Variants in FBXL2 observed in about 807,000 individuals in gnomAD.
FBXL2 encodes F-box/LRR-repeat protein 2.
FBXL2 carries 38 observed loss-of-function variants against 69.2 expected under a neutral mutation model. The ratio of observed to expected loss-of-function variants is 0.55; its 90% CI spans 0.42 to 0.72. The LOEUF (loss-of-function observed/expected upper bound fraction) is 0.72, where lower values mean the gene tolerates loss of function less well. FBXL2 is among the 30% of genes least tolerant of loss of function. FBXL2 has a pLI of 0.00. For missense variants in FBXL2, 354 were observed against 520.3 expected, an observed-to-expected ratio of 0.68 and a Z score of 3.11; for synonymous variants, 192 against 201.3, an observed-to-expected ratio of 0.95 and a Z score of 0.39.
Position 33,375,429 on chromosome 3 carries a change from T to C in FBXL2, c.788+11T>C. 3 of 1,610,046 alleles carry C rather than the reference T, an allele frequency of 1.9e-6. No individual in the cohort carries two copies. Among genetic ancestry groups the C allele is most frequent in the Non-Finnish European group, 2.5e-6 (3 of 1,176,630 alleles). On this transcript the variant is annotated intron_variant, in intron 10 of 14. Transcript: ENST00000484457. ...CTGTCCGCGACTGCAGTGAGTACACTGCACTTTTTGCTTTGCAGCTCAGAG... is the reference window on the plus strand; with the variant it reads ...CTGTCCGCGACTGCAGTGAGTACACCGCACTTTTTGCTTTGCAGCTCAGAG...
Position 33,377,329 on chromosome 3 carries a change from C to T in FBXL2, c.845C>T (p.Ala282Val). ...ACTGACGCAGGTTTTACACTTTTAG[C>T]TCGGGTAAGGCATAGATTTAAAGAA... ...HLTDAGFTLLARNCHELEKMD... is the reference protein window; with the variant it reads ...HLTDAGFTLLVRNCHELEKMD... The change falls in exon 11 of 15, where the codon GCT (alanine) becomes GTT (valine). Residue 282 changes from alanine to valine, a missense_variant. Transcript: ENST00000484457. 1 of 1,614,046 alleles carries T rather than the reference C, an allele frequency of 6.2e-7. No homozygotes were observed. The highest frequency in any genetic ancestry group is 2.2e-5 in the East Asian group (1 of 44,872).
intron 2 of FBXL2, among the ~76,000 whole-genome samples, chr3:33,326,588 A>G (rs2038715405): frequency 1.3e-5 from 2 of 152,178 alleles, no homozygotes; most frequent in African/African-American, 4.8e-5. Flanking sequence ...TTAAACTAAT[A>G]CAGTGAAACC....
the FBXL2 span, among the ~76,000 whole-genome samples, chr3:33,411,370 A>G: frequency 6.6e-6 from 1 of 152,240 alleles, no homozygotes; most frequent in Non-Finnish European, 1.5e-5. Flanking sequence ...TAACATTTGA[A>G]TAATGCTTTA....
chr3:33,376,658 T>C (rs1262039241), intron 10 of FBXL2, among the ~76,000 whole-genome samples: 1 of 152,186 alleles, frequency 6.6e-6, no homozygotes, highest in Admixed American at 6.5e-5. Flanking sequence ...ATAAATGGAG[T>C]AAATCTCAAG....
At position 33,354,044 on chromosome 3, in the gene FBXL2, C is replaced by T. The variant is rs2041017258; in HGVS notation, c.66-4923C>T. 2.0e-5 allele frequency among the ~76,000 whole-genome samples: 3 copies of T among 152,146 alleles called. No homozygotes were observed. In the South Asian group the frequency reaches 6.2e-4, roughly 32 times the overall value. On this transcript the variant is annotated intron_variant, in intron 2 of 14. Transcript: ENST00000484457. ...AACCTCTAGAACTAACTATATAATA[C>T]AGAGTGAACTTTGTTGTAAACTATA...
intron 1 of FBXL2, among the ~76,000 whole-genome samples, chr3:33,288,437 AAAAT>A (rs2034876414): frequency 6.6e-6 from 1 of 152,224 alleles, no homozygotes; most frequent in Admixed American, 6.5e-5. Flanking sequence ...ACTTTGGAGA[AAAAT>A]AAAGCTGGGT....
At chr3:33,370,027 G>T (rs2042189003) in intron 5 of FBXL2, among the ~76,000 whole-genome samples, 1 of 152,164 alleles carries the variant, frequency 6.6e-6, no homozygotes, top group Non-Finnish European at 1.5e-5. Flanking sequence ...TCTGCATAAA[G>T]AAGTTTTTTT....
chr3:33,323,318 T>C (rs2038392309), intron 2 of FBXL2, among the ~76,000 whole-genome samples: 1 of 152,198 alleles, frequency 6.6e-6, no homozygotes, highest in Non-Finnish European at 1.5e-5. Flanking sequence ...TCTTCCTTTT[T>C]TTATTATTAT....
In FBXL2 at chr3:33,384,127, A is replaced by T; in HGVS notation, c.1090A>T (p.Asn364Tyr). ...ITDVALEHLENCRGLERLELY... is the reference protein window; with the variant it reads ...ITDVALEHLEYCRGLERLELY... ...TGATGTGGCCCTGGAACACCTAGAGAACTGCCGAGGCCTGGAGCGCCTCGA... is the reference window on the plus strand; with the variant it reads ...TGATGTGGCCCTGGAACACCTAGAGTACTGCCGAGGCCTGGAGCGCCTCGA... The change falls in exon 14 of 15, where the codon AAC becomes TAC. Residue 364 changes from asparagine (N) to tyrosine (Y), a missense_variant. Coordinates refer to ENST00000484457, the MANE Select transcript of FBXL2 (RefSeq NM_012157.5). 1.2e-6 allele frequency: 2 copies of T among 1,614,092 alleles called. No homozygotes were observed. The highest frequency in any genetic ancestry group is 1.7e-6 in the Non-Finnish European group (2 of 1,180,012).
chr3:33,316,598 A>G (rs1377435941), intron 2 of FBXL2, among the ~76,000 whole-genome samples: 2 of 152,066 alleles, frequency 1.3e-5, no homozygotes, highest in Non-Finnish European at 2.9e-5. Context: ...TCTCTAGGGT[A>G]TATTAGCTGT....
the FBXL2 span, among the ~76,000 whole-genome samples, chr3:33,419,457 G>A: frequency 2.0e-5 from 3 of 151,914 alleles, no homozygotes; most frequent in Non-Finnish European, 4.4e-5. Context: ...GTGAAACCCC[G>A]TCTCTACTAA....
intron 2 of FBXL2, among the ~76,000 whole-genome samples, chr3:33,347,452 G>A (rs139562457): frequency 5.5e-4 from 83 of 152,254 alleles, no homozygotes; most frequent in Non-Finnish European, 9.0e-4. Flanking sequence ...CCAAATCTTG[G>A]CTATTGTGAA....
intron 13 of FBXL2, chr3:33,382,788 T>C (rs1344001384): frequency 1.3e-5 from 2 of 152,208 alleles, no homozygotes; most frequent in South Asian, 2.1e-4. Context: ...TAACATCACA[T>C]TCTCCTTACA....
chr3:33,277,482 G>C lies in FBXL2; in HGVS notation c.-31G>C. 7.8e-7 allele frequency: 1 copy of C among 1,289,156 alleles called. No homozygotes were observed. The allele number at this position is 1,289,156 out of a possible 1,614,324, so 79.9% of individuals were successfully genotyped here. A position where few individuals can be genotyped will look rare whatever the true frequency, so the allele number is the denominator to read the frequency against. On this transcript the variant is annotated 5_prime_UTR_variant, in exon 1 of 15. Transcript: ENST00000484457. ...GGCGTCGCCGGCGCCGTGTGACTTC[G>C]GGCTGTGGGCTCGCTCGCGGCTCTT...
At position 33,277,518 on chromosome 3, in the gene FBXL2, G is replaced by A; in HGVS notation, c.3+3G>A. ...TCGCTCGCGGCTCTTCGGCCATGGT[G>A]AGTCTGGGACCCGCGTCTGCCTAGC... On this transcript the variant is annotated splice_donor_region_variant and intron_variant, in intron 1 of 14. Transcript: ENST00000484457. The A allele has an allele frequency of 1.5e-6, 2 of 1,305,070 alleles. No individual in the cohort carries two copies. Among genetic ancestry groups the A allele is most frequent in the Non-Finnish European group, 9.8e-7 (1 of 1,018,428 alleles). 80.8% of individuals were successfully genotyped at this position (1,305,070 alleles called of 1,614,324 possible).
chr3:33,412,675 G>C, the FBXL2 span: 1 of 1,248,282 alleles, frequency 8.0e-7, no homozygotes, highest in Non-Finnish European at 1.2e-6. Flanking sequence ...ACTGGCTATA[G>C]CTAAACAATA....
At chr3:33,312,348 T>C (rs1190734559) in intron 2 of FBXL2, among the ~76,000 whole-genome samples, 1 of 152,232 alleles carries the variant, frequency 6.6e-6, no homozygotes, top group Non-Finnish European at 1.5e-5. Context: ...CATGAGTTAC[T>C]GCACCTGGCC....
At chr3:33,374,666 C>T (rs1044801093) in intron 9 of FBXL2, among the ~76,000 whole-genome samples, 6 of 152,150 alleles carry the variant, frequency 3.9e-5, no homozygotes, top group African/African-American at 1.2e-4. Flanking sequence ...ATAGCAGTGG[C>T]TGATGGCTTG....
chr3:33,419,208 G>A, the FBXL2 span, among the ~76,000 whole-genome samples: 3 of 152,068 alleles, frequency 2.0e-5, no homozygotes, highest in African/African-American at 7.2e-5. Context: ...GAAAAATCAA[G>A]AGTTGGCCAA....
Sources: allele counts gnomAD v4.1 joint callset (sites outside exome capture counted in the v4.1 genomes callset), GRCh38; gene constraint gnomAD v4.1.1; transcripts MANE v1.5; gene names NCBI Gene and HGNC (gene_info 2026-07-23, HGNC 2026-07-21).